The following TIGIT variants were observed in gnomAD, a reference collection of about 807,000 sequenced individuals.
TIGIT encodes the protein T-cell immunoreceptor with Ig and ITIM domains.
In TIGIT, 11 loss-of-function variants were observed where a neutral mutation model predicts 19.6. The ratio of observed to expected loss-of-function variants is 0.56; its 90% confidence interval spans 0.35 to 0.93. The LOEUF (loss-of-function observed/expected upper bound fraction) is 0.93, where lower values mean the gene tolerates loss of function less well. Among genes scored for constraint, TIGIT ranks in the 40% least tolerant of loss-of-function variants. TIGIT has a pLI of 0.01. For synonymous variants in TIGIT, 130 were observed against 125.5 expected, an observed-to-expected ratio of 1.04 and a Z score of -0.24; for missense variants, 295 against 303.9, an observed-to-expected ratio of 0.97 and a Z score of 0.22.
intron 3 of TIGIT, among the ~76,000 whole-genome samples, chr3:114,303,109 C>T (rs1394461673): frequency 6.6e-6 from 1 of 151,810 alleles, no homozygotes; most frequent in Admixed American, 6.5e-5. Flanking sequence ...ATTCGTTTTT[C>T]TTTCTATAAA....
chr3:114,305,892 A>AGATAGAT (rs1553777030), intron 3 of TIGIT, among the ~76,000 whole-genome samples: 1 of 151,788 alleles, frequency 6.6e-6, no homozygotes, highest in East Asian at 1.9e-4. Context: ...ATAGATAGAT[A>AGATAGAT]GATAGATAGA....
chr3:114,308,284 A>G lies in TIGIT; in HGVS notation c.*153A>G, dbSNP rs563437114. 24 of 671,098 alleles carry G rather than the reference A, an allele frequency of 3.6e-5. No individual in the cohort carries two copies. Among genetic ancestry groups the G allele is most frequent in the Admixed American group, 1.3e-4 (5 of 39,014 alleles). The allele number at this position is 671,098 out of a possible 1,614,324, so 41.6% of individuals were successfully genotyped here. On this transcript the variant is annotated 3_prime_UTR_variant, in exon 4 of 4. Coordinates refer to ENST00000383671, the MANE Select transcript of TIGIT (RefSeq NM_173799.4). ...GTGAATAAATGTCATCCTCTTCTCC[A>G]TCTTCATTTCCTTGGCCTTTTCGTT... is the stretch of plus-strand genomic sequence containing the variant.
chr3:114,304,849 T>A (rs2078520826), intron 3 of TIGIT, among the ~76,000 whole-genome samples: 1 of 152,170 alleles, frequency 6.6e-6, no homozygotes, highest in Non-Finnish European at 1.5e-5. Context: ...TTTCCAGAGA[T>A]CCTCATTCCA....
At chr3:114,305,771 AG>A (rs958175211) in intron 3 of TIGIT, among the ~76,000 whole-genome samples, 1 of 149,304 alleles carries the variant, frequency 6.7e-6, no homozygotes, top group African/African-American at 2.5e-5. Flanking sequence ...CAGAACCAAT[AG>A]GAGATATAGA....
intron 3 of TIGIT, 59 bp downstream of exon 3, chr3:114,299,762 C>A: frequency 8.8e-7 from 1 of 1,132,106 alleles, no homozygotes; most frequent in Non-Finnish European, 1.3e-6. Flanking sequence ...CACCCGGGTC[C>A]TTTCAGGTTC....
At chr3:114,307,659 A>G (rs1026420240) in intron 3 of TIGIT, 1 of 524,984 alleles carries the variant, frequency 1.9e-6, no homozygotes, top group Non-Finnish European at 3.4e-6. Flanking sequence ...GTGAACAGGA[A>G]GTAACAAGGT....
chr3:114,307,670 G>T (rs1180333317), intron 3 of TIGIT: 2 of 546,640 alleles, frequency 3.7e-6, no homozygotes, highest in Non-Finnish European at 6.6e-6. Flanking sequence ...GTAACAAGGT[G>T]TGTGGCACGT....
At chr3:114,298,146 T>C (rs1174592254) in intron 2 of TIGIT, among the ~76,000 whole-genome samples, 1 of 152,162 alleles carries the variant, frequency 6.6e-6, no homozygotes, top group African/African-American at 2.4e-5. Context: ...TTATACAGAG[T>C]CTGCCCCTTC....
rs949629505 is a variant in TIGIT, at chr3:114,309,192, G to C, written c.*1061G>C. ...TAGGGACTCTTCCTAGGGGAAAAAG[G>C]GGGGCTGGGAGTGATAGAGGGTTTA... On this transcript the variant is annotated 3_prime_UTR_variant, in exon 4 of 4. Transcript: ENST00000383671. The C allele has an allele frequency of 2.0e-5, 3 of 152,230 alleles. No homozygotes were observed. The highest frequency in any genetic ancestry group is 7.2e-5 in the African/African-American group (3 of 41,454). 9.4% of individuals were successfully genotyped at this position (152,230 alleles called of 1,614,324 possible).
chr3:114,309,483 C>T lies in TIGIT; in HGVS notation c.*1352C>T, dbSNP rs940423427. 4.6e-5 allele frequency: 7 copies of T among 152,208 alleles called. No homozygotes were observed. The highest frequency in any genetic ancestry group is 1.7e-4 in the African/African-American group (7 of 41,452). The allele number at this position is 152,208 out of a possible 1,614,324, so 9.4% of individuals were successfully genotyped here. ...GTCTTGCGCATGGTTAAAAATAAAG[C>T]ATTGTCCTGCTTCCTAAGACTTAGA... On this transcript the variant is annotated 3_prime_UTR_variant, in exon 4 of 4. Transcript: ENST00000383671.
rs1054133105 is a variant in TIGIT at position 114,309,768 on chromosome 3, G to C, written c.*1637G>C. On this transcript the variant is annotated 3_prime_UTR_variant, in exon 4 of 4. Coordinates refer to ENST00000383671, the MANE Select transcript of TIGIT (RefSeq NM_173799.4). ...AGAACACAATTCACAAATTGGAAGTGAACTAAAATGTAATGACGAAAAGGG... is the reference window on the plus strand; with the variant it reads ...AGAACACAATTCACAAATTGGAAGTCAACTAAAATGTAATGACGAAAAGGG... 2.6e-5 allele frequency: 4 copies of C among 152,186 alleles called. No individual in the cohort carries two copies. The highest frequency in any genetic ancestry group is 9.7e-5 in the African/African-American group (4 of 41,444). The allele number at this position is 152,186 out of a possible 1,614,324, so 9.4% of individuals were successfully genotyped here.
At chr3:114,294,826 A>C (rs2078442750) in intron 1 of TIGIT, among the ~76,000 whole-genome samples, 1 of 152,216 alleles carries the variant, frequency 6.6e-6, no homozygotes, top group Admixed American at 6.5e-5. Context: ...CAGGCACTGC[A>C]AATGACAATC....
chr3:114,308,047 G>T lies in TIGIT; in HGVS notation c.651G>T (p.Glu217Asp). ...GGCTCTGTGGAGAGCAGCGGGGAGA[G>T]GACTGTGCCGAGCTGCATGACTACT... ...PAGLCGEQRG[E>D]DCAELHDYFN... Residue 217 changes from glutamate to aspartate, a missense_variant, in exon 4 of 4, where the codon GAG becomes GAT. Physicochemically the swap from Glu to Asp is conservative, Grantham distance 45 (BLOSUM62 2). Transcript: ENST00000383671. 3.1e-6 allele frequency: 5 copies of T among 1,614,184 alleles called. No homozygotes were observed. Among genetic ancestry groups the T allele is most frequent in the Non-Finnish European group, 4.2e-6 (5 of 1,180,036 alleles).
At chr3:114,307,185 C>T (rs1419367848) in intron 3 of TIGIT, among the ~76,000 whole-genome samples, 1 of 152,078 alleles carries the variant, frequency 6.6e-6, no homozygotes, top group Non-Finnish European at 1.5e-5. Context: ...TTTGTTGGGG[C>T]AGGAATGTGA....
At chr3:114,297,839 C>T (rs1268181866) in intron 2 of TIGIT, among the ~76,000 whole-genome samples, 1 of 152,184 alleles carries the variant, frequency 6.6e-6, no homozygotes, top group Non-Finnish European at 1.5e-5. Context: ...TGCAGCCTCC[C>T]CACAAAGCCT....
rs896979803 is a variant in TIGIT at position 114,309,983 on chromosome 3, T to A, written c.*1852T>A. 1 of 152,164 alleles carries A rather than the reference T, an allele frequency of 6.6e-6. No homozygotes were observed. The highest frequency in any genetic ancestry group is 2.4e-5 in the African/African-American group (1 of 41,418). 9.4% of individuals were successfully genotyped at this position (152,164 alleles called of 1,614,324 possible). A position where few individuals can be genotyped will look rare whatever the true frequency, so the allele number is the denominator to read the frequency against. ...AAATGGGATTCAATTTGAAAAAAAT[T>A]TTTTTAAATAGAACTCACTGAACTA... On this transcript the variant is annotated 3_prime_UTR_variant, in exon 4 of 4. Transcript: ENST00000383671.
intron 3 of TIGIT, among the ~76,000 whole-genome samples, chr3:114,303,982 T>C (rs2107953750): frequency 6.6e-6 from 1 of 152,332 alleles, no homozygotes; most frequent in East Asian, 1.9e-4. Flanking sequence ...GTATTGTGTT[T>C]TGATTTGCGT....
rs189005769 is a variant in TIGIT at position 114,305,446 on chromosome 3, G to T, written c.499-2449G>T. ...TATTGGGACAGCTCTCAGATGAAAA[G>T]TAGTGAAGGAAGCAGTATAGGGAGG... is the stretch of plus-strand genomic sequence containing the variant. On this transcript the variant is annotated intron_variant, in intron 3 of 3. Transcript: ENST00000383671. 1.2e-4 allele frequency among the ~76,000 whole-genome samples: 19 copies of T among 152,324 alleles called. No individual in the cohort carries two copies. In the East Asian group the frequency reaches 2.5e-3, roughly 20 times the overall value.
chr3:114,295,731 A>G lies in TIGIT; in HGVS notation c.248A>G (p.Asp83Gly). Residue 83 changes from aspartate to glycine, a missense_variant, in exon 2 of 4, where the codon GAT (aspartate) becomes GGT (glycine). Asp to Gly is a moderately conservative substitution (Grantham distance 94). Coordinates refer to ENST00000383671, the MANE Select transcript of TIGIT (RefSeq NM_173799.4). ...LGWHISPSFK[D>G]RVAPGPGLGL... ...TGGCACATCTCCCCATCCTTCAAGG[A>G]TCGAGTGGCCCCAGGTCCCGGCCTG... is the stretch of plus-strand genomic sequence containing the variant. 1 of 1,614,182 alleles carries G rather than the reference A, an allele frequency of 6.2e-7. No homozygotes were observed. The highest frequency in any genetic ancestry group is 2.2e-5 in the East Asian group (1 of 44,876).
Sources: gnomAD v4.1 joint callset for allele counts (sites outside exome capture counted in the v4.1 genomes callset) on GRCh38, gnomAD v4.1.1 for gene constraint, MANE v1.5 for transcripts, NCBI Gene and HGNC (gene_info 2026-07-23, HGNC 2026-07-21) for gene names.